ZNF735: variants seen among roughly 807,000 people sequenced by gnomAD.
ZNF735 encodes the protein putative zinc finger protein 735.
ZNF735 carries 11 observed loss-of-function variants against 13.4 expected under a neutral mutation model. That is an observed-to-expected ratio of 0.82 (90% CI 0.52 to 1.36). The LOEUF is 1.36. Among genes scored for constraint, ZNF735 ranks in the 40% most tolerant of loss-of-function variants. ZNF735 has a pLI of 0.00. For synonymous variants in ZNF735, 171 were observed against 162.6 expected, an observed-to-expected ratio of 1.05 and a Z score of -0.39; for missense variants, 500 against 484.6, an observed-to-expected ratio of 1.03 and a Z score of -0.30.
chr7:64,211,710 AC>A (rs1474596533), intron 1 of ZNF735, among the ~76,000 whole-genome samples: 1 of 151,852 alleles, frequency 6.6e-6, no homozygotes, highest in East Asian at 1.9e-4. Flanking sequence ...CTAAAAAAAT[AC>A]AAAAAATAGC....
intron 1 of ZNF735, among the ~76,000 whole-genome samples, 178 bp downstream of exon 1, chr7:64,207,419 C>T (rs1340021063): frequency 1.3e-5 from 2 of 152,210 alleles, no homozygotes; most frequent in East Asian, 1.9e-4. Context: ...CCTGGGCCAG[C>T]GGCTGGGACC....
At chr7:64,211,954 A>T (rs1257546463) in intron 1 of ZNF735, among the ~76,000 whole-genome samples, 1 of 151,526 alleles carries the variant, frequency 6.6e-6, no homozygotes, top group Non-Finnish European at 1.5e-5. Flanking sequence ...GAGAGGAGAG[A>T]AATACCACAG....
intron 2 of ZNF735, 87 bp from the exon 3 acceptor site, chr7:64,213,926 T>C (rs1389321120): frequency 1.6e-6 from 2 of 1,281,280 alleles, no homozygotes; most frequent in African/African-American, 1.5e-5. Context: ...GCCACTGCAC[T>C]CCAGCCTGAG....
At chr7:64,214,268 C>G (rs1437685639) in intron 3 of ZNF735, among the ~76,000 whole-genome samples, 160 bp downstream of exon 3, 2 of 151,598 alleles carry the variant, frequency 1.3e-5, no homozygotes, top group African/African-American at 4.8e-5. Context: ...TTTTTTTGCT[C>G]TCACATTGGG....
intron 1 of ZNF735, among the ~76,000 whole-genome samples, chr7:64,208,242 A>G (rs202088624): frequency 0.063 from 4,839 of 76,386 alleles, 167 homozygotes; most frequent in East Asian, 0.24. Flanking sequence ...TCTCCAATAA[A>G]TGTTTTTTTT....
chr7:64,216,477 C>T (rs575403251), intron 3 of ZNF735, among the ~76,000 whole-genome samples: 10 of 151,814 alleles, frequency 6.6e-5, no homozygotes, highest in Non-Finnish European at 1.5e-4. Context: ...ATTATTTGAC[C>T]CTGTGCAAGA....
At chr7:64,219,578 A>G (rs1344123498) in exon 4 of ZNF735, 1 of 1,579,678 alleles carries the variant, frequency 6.3e-7, no homozygotes, top group South Asian at 1.1e-5. Context: ...AATAGACACA[A>G]TGCAAGATAT....
chr7:64,209,084 A>G (rs1200260081), intron 1 of ZNF735, among the ~76,000 whole-genome samples: 2 of 152,214 alleles, frequency 1.3e-5, no homozygotes, highest in African/African-American at 2.4e-5. Context: ...GTGTATTCCC[A>G]ATTGTGGTAC....
At chr7:64,209,227 C>CTTTTTT (rs1562831474) in intron 1 of ZNF735, among the ~76,000 whole-genome samples, 1 of 125,430 alleles carries the variant, frequency 8.0e-6, no homozygotes, top group Admixed American at 8.3e-5. Context: ...GCATCTGTTC[C>CTTTTTT]GTTTTTTTTT....
In ZNF735 at chr7:64,209,229, T is replaced by TTTTTTG. The variant is rs35570665; in HGVS notation, c.39+1993_39+1994insGTTTTT. Among the ~76,000 whole-genome samples the TTTTTTG allele has an allele frequency of 7.6e-5, 4 of 52,308 alleles. No homozygotes were observed. In the East Asian group the frequency reaches 1.6e-3, roughly 21 times the overall value. The allele number at this position is 52,308 out of a possible 152,430, so 34.3% of individuals were successfully genotyped here. ...CACAACCTCACAAGCATCTGTTCCG[T>TTTTTTG]TTTTTTTTTTTGACTTTTTAGTCTA... On this transcript the variant is annotated intron_variant, in intron 1 of 3. Transcript: ENST00000429565.
chr7:64,214,763 TA>T (rs1787400221), intron 3 of ZNF735, among the ~76,000 whole-genome samples: 1 of 152,066 alleles, frequency 6.6e-6, no homozygotes, highest in Non-Finnish European at 1.5e-5. Context: ...TGCTGTATTA[TA>T]TAATAATTTC....
chr7:64,207,679 C>CA (rs1787305429), intron 1 of ZNF735, among the ~76,000 whole-genome samples: 1 of 152,112 alleles, frequency 6.6e-6, no homozygotes, highest in South Asian at 2.1e-4. Flanking sequence ...AGAATTTAAT[C>CA]AAAACGTGAT....
intron 1 of ZNF735, among the ~76,000 whole-genome samples, chr7:64,210,890 G>A (rs1333446076): frequency 1.3e-5 from 2 of 152,168 alleles, no homozygotes; most frequent in Non-Finnish European, 2.9e-5. Flanking sequence ...TCAAGATGCA[G>A]GTTTGATATG....
exon 2 of ZNF735, chr7:64,213,124 A>G: frequency 1.2e-6 from 2 of 1,613,130 alleles, no homozygotes; most frequent in South Asian, 1.1e-5. Flanking sequence ...TAGCTATAGA[A>G]TTCTCTCTGG....
At chr7:64,209,903 C>T (rs978841471) in intron 1 of ZNF735, among the ~76,000 whole-genome samples, 1 of 152,020 alleles carries the variant, frequency 6.6e-6, no homozygotes, top group Non-Finnish European at 1.5e-5. Context: ...GCCTTAATTT[C>T]ATTATTTACA....
At chr7:64,217,182 A>T (rs921846196) in intron 3 of ZNF735, among the ~76,000 whole-genome samples, 2 of 152,154 alleles carry the variant, frequency 1.3e-5, no homozygotes, top group African/African-American at 4.8e-5. Flanking sequence ...ATTAATTCAC[A>T]TGAGAGCTGG....
chr7:64,210,813 C>A (rs373926817), intron 1 of ZNF735, among the ~76,000 whole-genome samples: 2 of 152,118 alleles, frequency 1.3e-5, no homozygotes, highest in Non-Finnish European at 2.9e-5. Context: ...CTGCAAGTCT[C>A]GGTCTTTCTG....
rs775062632 is a variant in ZNF735 at position 64,213,044 on chromosome 7, G to C, written c.40-48G>C. ...AGTCAAATAAAAATCTCTGCTTACGGCCATATGGTAAGTGTGTGTTCATGA... is the reference window on the plus strand; with the variant it reads ...AGTCAAATAAAAATCTCTGCTTACGCCCATATGGTAAGTGTGTGTTCATGA... On this transcript the variant is annotated intron_variant, in intron 1 of 3. Transcript: ENST00000429565. 23 of 1,563,674 alleles carry C rather than the reference G, an allele frequency of 1.5e-5. No homozygotes were observed. The South Asian group carries it at 2.4e-4, about 16-fold the overall frequency.
chr7:64,211,373 G>C (rs1048043001), intron 1 of ZNF735, among the ~76,000 whole-genome samples: 3 of 152,144 alleles, frequency 2.0e-5, no homozygotes. Flanking sequence ...TGCTCTATTA[G>C]TTCCATGCAG....
Sources: gnomAD v4.1 joint callset for allele counts (sites outside exome capture counted in the v4.1 genomes callset) on GRCh38, gnomAD v4.1.1 for gene constraint, MANE v1.5 for transcripts, NCBI Gene and HGNC (gene_info 2026-07-23, HGNC 2026-07-21) for gene names.